The following STAG1 variants were observed in gnomAD, a reference collection of about 807,000 sequenced individuals.
STAG1 encodes STAG1 cohesin complex component, also known as cohesin subunit SA-1.
In STAG1, 26 loss-of-function variants were observed where a neutral mutation model predicts 170.9. The ratio of observed to expected loss-of-function variants is 0.15; its 90% CI spans 0.11 to 0.21. STAG1 has a LOEUF of 0.21. Ranked by LOEUF, STAG1 falls within the 10% of genes least tolerant of loss-of-function variation. STAG1 has a pLI of 1.00. For missense variants in STAG1, 964 were observed against 1,509.5 expected (o/e 0.64, Z 5.99); for synonymous variants, 514 against 497.7 (o/e 1.03, Z -0.44).
At chr3:136,752,017 G>A (rs974481838) in intron 1 of STAG1, among the ~76,000 whole-genome samples, 178 bp downstream of exon 1, 3 of 150,878 alleles carry the variant, frequency 2.0e-5, no homozygotes, top group Admixed American at 6.6e-5. Flanking sequence ...CCCCGCACAG[G>A]CCCGCGCGGC....
intron 1 of STAG1, among the ~76,000 whole-genome samples, chr3:136,710,843 T>A (rs1388885949): frequency 6.6e-6 from 1 of 152,068 alleles, no homozygotes; most frequent in Non-Finnish European, 1.5e-5. Context: ...CAATATATGA[T>A]ACTTTACCCA....
At chr3:136,581,374 A>G (rs921540323) in intron 4 of STAG1, among the ~76,000 whole-genome samples, 1 of 152,244 alleles carries the variant, frequency 6.6e-6, no homozygotes, top group Non-Finnish European at 1.5e-5. Context: ...AGCAAGTTCA[A>G]AAACAATCCC....
intron 22 of STAG1, among the ~76,000 whole-genome samples, chr3:136,380,221 T>C (rs375759478): frequency 1.3e-5 from 2 of 152,148 alleles, no homozygotes; most frequent in African/African-American, 2.4e-5. Context: ...GTGTATTTTA[T>C]TGCATATTAA....
chr3:136,349,462 AATACCT>A, intron 28 of STAG1, 99 bp from the exon 29 acceptor site: 2 of 844,360 alleles, frequency 2.4e-6, no homozygotes, highest in Non-Finnish European at 3.9e-6. Flanking sequence ...GGTTCTGAAG[AATACCT>A]AAGGACACAC....
At chr3:136,571,977 G>A (rs1937279471) in intron 4 of STAG1, among the ~76,000 whole-genome samples, 1 of 152,154 alleles carries the variant, frequency 6.6e-6, no homozygotes, top group South Asian at 2.1e-4. Flanking sequence ...GAGGTCAGGA[G>A]TTCCAGACCA....
chr3:136,709,405 TAGA>T (rs1943322921), intron 1 of STAG1, among the ~76,000 whole-genome samples: 1 of 151,886 alleles, frequency 6.6e-6, no homozygotes, highest in Non-Finnish European at 1.5e-5. Context: ...ATCATTTACA[TAGA>T]AGAACTCCAG....
chr3:136,642,264 CTTTTT>C (rs10592920), intron 1 of STAG1, among the ~76,000 whole-genome samples: 62 of 84,942 alleles, frequency 7.3e-4, no homozygotes, highest in African/African-American at 2.6e-3. Context: ...GACAGAATTT[CTTTTT>C]TTTTTTTTTT....
At chr3:136,424,534 C>A (rs2088057399) in intron 16 of STAG1, among the ~76,000 whole-genome samples, 1 of 151,932 alleles carries the variant, frequency 6.6e-6, no homozygotes, top group South Asian at 2.1e-4. Flanking sequence ...GGGTTTTCAC[C>A]ATATTGGCCA....
chr3:136,534,711 A>C (rs1002321965), intron 6 of STAG1, among the ~76,000 whole-genome samples: 2 of 152,216 alleles, frequency 1.3e-5, no homozygotes, highest in Non-Finnish European at 2.9e-5. Context: ...CATTCACCCC[A>C]GTTGGAATGG....
At chr3:136,723,499 C>A (rs1933438819) in intron 1 of STAG1, among the ~76,000 whole-genome samples, 3 of 151,962 alleles carry the variant, frequency 2.0e-5, no homozygotes, top group South Asian at 4.1e-4. Flanking sequence ...CGCCCGGCAG[C>A]CACCCCATCT....
intron 1 of STAG1, among the ~76,000 whole-genome samples, chr3:136,692,603 C>T (rs113934788): frequency 0.079 from 11,974 of 151,728 alleles, 491 homozygotes; most frequent in Non-Finnish European, 0.094. Flanking sequence ...CCACTGCACT[C>T]TAGCCTGGGG....
At chr3:136,624,662 G>A (rs772963370) in intron 2 of STAG1, among the ~76,000 whole-genome samples, 7 of 152,122 alleles carry the variant, frequency 4.6e-5, no homozygotes, top group Admixed American at 1.3e-4. Context: ...AGTTGAATCT[G>A]CATTGTTAAC....
intron 5 of STAG1, among the ~76,000 whole-genome samples, chr3:136,543,542 G>A (rs118018808): frequency 3.3e-5 from 5 of 152,226 alleles, no homozygotes; most frequent in East Asian, 1.9e-4. Context: ...TACAACATAC[G>A]TTAGAAGCCT....
At chr3:136,355,389 C>T (rs1936613002) in intron 28 of STAG1, among the ~76,000 whole-genome samples, 1 of 140,676 alleles carries the variant, frequency 7.1e-6, no homozygotes, top group African/African-American at 2.6e-5. Context: ...AGTATATACA[C>T]CTAACAAGAG....
At chr3:136,484,183 TTC>T (rs2089951035) in intron 9 of STAG1, among the ~76,000 whole-genome samples, 1 of 151,108 alleles carries the variant, frequency 6.6e-6, no homozygotes, top group Non-Finnish European at 1.5e-5. Flanking sequence ...AGTTTTTCTG[TTC>T]TGTTTTTTCC....
rs566621907 is a variant in STAG1 at position 136,618,698 on chromosome 3, G to T, written c.132+4448C>A. ...TGGACTAGACCCTGATTCAGGAAAA[G>T]AATAGTTTTTCTTTTCTTTAAGGGA... On this transcript the variant is annotated intron_variant, in intron 3 of 33. Transcript: ENST00000383202. Among the ~76,000 whole-genome samples the T allele has an allele frequency of 4.6e-5, 7 of 152,220 alleles. No homozygotes were observed. The South Asian group carries it at 1.5e-3, about 32-fold the overall frequency.
At chr3:136,664,849 T>C (rs1315168674) in intron 1 of STAG1, among the ~76,000 whole-genome samples, 1 of 152,206 alleles carries the variant, frequency 6.6e-6, no homozygotes, top group African/African-American at 2.4e-5. Context: ...TTCATGAATA[T>C]GGATGGGCAA....
At chr3:136,472,589 A>G in intron 11 of STAG1, 97 bp from the exon 12 acceptor site, 1 of 747,976 alleles carries the variant, frequency 1.3e-6, no homozygotes, top group South Asian at 2.1e-5. Flanking sequence ...TGCAATACTA[A>G]TGATAGGTTA....
intron 1 of STAG1, among the ~76,000 whole-genome samples, chr3:136,704,349 G>T (rs1010102630): frequency 6.6e-6 from 1 of 151,884 alleles, no homozygotes; most frequent in Non-Finnish European, 1.5e-5. Context: ...ACGAGCCCAG[G>T]CATGATTTTT....
Sources: allele counts gnomAD v4.1 joint callset (sites outside exome capture counted in the v4.1 genomes callset), GRCh38; gene constraint gnomAD v4.1.1; transcripts MANE v1.5; gene names NCBI Gene and HGNC (gene_info 2026-07-23, HGNC 2026-07-21).